The following PWWP2B variants were observed in gnomAD, a reference collection of about 807,000 sequenced individuals.
The protein encoded by PWWP2B is PWWP domain-containing protein 2B.
Under a neutral mutation model 15.5 loss-of-function variants are expected in PWWP2B, and 9 were observed. The ratio of observed to expected loss-of-function variants is 0.58; its 90% CI spans 0.35 to 1.02. The LOEUF (loss-of-function observed/expected upper bound fraction) is 1.02, where lower values mean the gene tolerates loss of function less well. Ranked by LOEUF, PWWP2B falls within the 50% of genes least tolerant of loss-of-function variation. The pLI is 0.02. For missense variants in PWWP2B, 864 were observed against 865.3 expected (o/e 1.00, Z 0.02); for synonymous variants, 474 against 403.6 (o/e 1.17, Z -2.09).
At chr10:132,408,949 C>T (rs1023890423) in intron 2 of PWWP2B, among the ~76,000 whole-genome samples, 2 of 152,212 alleles carry the variant, frequency 1.3e-5, no homozygotes, top group South Asian at 2.1e-4. Flanking sequence ...CGCGCCAGGA[C>T]GCATGGCTGT....
At chr10:132,402,201 G>A (rs2069623610) in intron 1 of PWWP2B, among the ~76,000 whole-genome samples, 1 of 152,256 alleles carries the variant, frequency 6.6e-6, no homozygotes, top group South Asian at 2.1e-4. Context: ...GGCAAGGGAT[G>A]GGGCTGGCTC....
intron 2 of PWWP2B, among the ~76,000 whole-genome samples, chr10:132,416,338 G>C (rs1460280124): frequency 2.0e-5 from 3 of 152,178 alleles, no homozygotes; most frequent in Non-Finnish European, 4.4e-5. Flanking sequence ...CCGGCTGGTG[G>C]AGAACTGGGG....
chr10:132,408,295 G>A (rs374396675), intron 2 of PWWP2B, among the ~76,000 whole-genome samples: 2 of 152,244 alleles, frequency 1.3e-5, no homozygotes, highest in Admixed American at 6.5e-5. Context: ...GGGATCTCCC[G>A]CCCTCTGTGG....
chr10:132,400,278 T>A (rs955690816), intron 1 of PWWP2B, among the ~76,000 whole-genome samples: 1 of 152,020 alleles, frequency 6.6e-6, no homozygotes, highest in African/African-American at 2.4e-5. Context: ...TGGCTGGTCT[T>A]CGGAGCGTCT....
chr10:132,415,065 GA>G (rs1436818834), intron 2 of PWWP2B, among the ~76,000 whole-genome samples: 1 of 151,146 alleles, frequency 6.6e-6, no homozygotes, highest in Non-Finnish European at 1.5e-5. Flanking sequence ...GTAATGACAA[GA>G]ATTCACCTTC....
chr10:132,400,931 C>T (rs1056897959), intron 1 of PWWP2B, among the ~76,000 whole-genome samples: 1 of 152,222 alleles, frequency 6.6e-6, no homozygotes, highest in Non-Finnish European at 1.5e-5. Context: ...ATCTCATGGC[C>T]CTGGTCTGTA....
chr10:132,404,673 A>T lies in PWWP2B; in HGVS notation c.173A>T (p.Asp58Val). 1 of 1,612,444 alleles carries T rather than the reference A, an allele frequency of 6.2e-7. No homozygotes were observed. Among genetic ancestry groups the T allele is most frequent in the South Asian group, 1.1e-5 (1 of 91,056 alleles). Residue 58 changes from aspartate to valine, a missense_variant, in exon 2 of 3, where the codon GAT becomes GTT. This residue lies in a region of PWWP2B where 736 missense variants were observed against 687.7 expected (regional missense o/e 1.07). Transcript: ENST00000305233. ...CCGTTGGCTCCGCTGCCCCAGGTCG[A>T]TGAGTCCCCTGTCAACGACAGCCAT... ...LPPLAPLPQV[D>V]ESPVNDSHGR...
rs946098714 is a variant in PWWP2B at position 132,417,395 on chromosome 10, G to C, written c.*351G>C. On this transcript the variant is annotated 3_prime_UTR_variant, in exon 3 of 3. Coordinates refer to ENST00000305233, the MANE Select transcript of PWWP2B (RefSeq NM_138499.4). ...GCCTGCCGCCCCGGCCTCACCTGCT[G>C]CCCGCATGCTGGGGTCCCATGGAGG... The C allele has an allele frequency of 2.3e-6, 1 of 430,582 alleles. No individual in the cohort carries two copies. The highest frequency in any genetic ancestry group is 4.2e-6 in the Non-Finnish European group (1 of 238,602). 26.7% of individuals were successfully genotyped at this position (430,582 alleles called of 1,614,324 possible).
chr10:132,404,868 G>A lies in PWWP2B; in HGVS notation c.368G>A (p.Gly123Asp). 1 of 1,591,460 alleles carries A rather than the reference G, an allele frequency of 6.3e-7. No individual in the cohort carries two copies. Among genetic ancestry groups the A allele is most frequent in the Non-Finnish European group, 8.5e-7 (1 of 1,175,940 alleles). The change falls in exon 2 of 3, where the codon GGC (glycine) becomes GAC (aspartate). Residue 123 changes from glycine (G) to aspartate (D), a missense_variant. Around this residue, in one of 2 missense-constraint regions of PWWP2B, gnomAD observed 736 missense variants for 687.7 expected, o/e 1.07. Transcript: ENST00000305233. ...CCCCCGTACCCTCCCTACTTCGAAG[G>A]CGCCCCCTTCCCTCACCCGCTGTGG... ...SLPPYPPYFE[G>D]APFPHPLWLR...
intron 2 of PWWP2B, among the ~76,000 whole-genome samples, chr10:132,414,726 T>A (rs2069821522): frequency 6.6e-6 from 1 of 152,210 alleles, no homozygotes. Context: ...TGTGACCGGC[T>A]CTAATCCTCG....
chr10:132,416,865 C>A (rs746278587), intron 2 of PWWP2B, among the ~76,000 whole-genome samples, 196 bp from the exon 3 acceptor site: 1 of 152,062 alleles, frequency 6.6e-6, no homozygotes, highest in Non-Finnish European at 1.5e-5. Flanking sequence ...GCATGGAAGA[C>A]CCTGCACTCT....
intron 2 of PWWP2B, among the ~76,000 whole-genome samples, chr10:132,409,929 G>T (rs1253151317): frequency 6.6e-6 from 1 of 152,040 alleles, no homozygotes; most frequent in Non-Finnish European, 1.5e-5. Context: ...AGTGTTCTAG[G>T]CAGGAGGAGG....
At chr10:132,402,769 G>A (rs1459890574) in intron 1 of PWWP2B, among the ~76,000 whole-genome samples, 2 of 152,254 alleles carry the variant, frequency 1.3e-5, no homozygotes, top group Non-Finnish European at 2.9e-5. Context: ...CTTAACTCTG[G>A]CAAACCTTTT....
chr10:132,411,825 A>G (rs890084915), intron 2 of PWWP2B, among the ~76,000 whole-genome samples: 13 of 152,214 alleles, frequency 8.5e-5, no homozygotes, highest in African/African-American at 3.1e-4. Flanking sequence ...CTTTTAGAAC[A>G]GCGTCCTTGA....
Position 132,404,561 on chromosome 10 carries a change from G to A in PWWP2B, c.126-65G>A. 2.8e-6 allele frequency: 4 copies of A among 1,412,220 alleles called. No homozygotes were observed. The South Asian group carries it at 3.6e-5, about 13-fold the overall frequency. 87.5% of individuals were successfully genotyped at this position (1,412,220 alleles called of 1,614,324 possible). On this transcript the variant is annotated intron_variant, in intron 1 of 2. Coordinates refer to ENST00000305233, the MANE Select transcript of PWWP2B (RefSeq NM_138499.4). Reference sequence around the variant, plus strand: ...TGGGTCGGGGGCCTTGGCTCTGGGGGCTGGTGCGGGTGGCAGATGTGCCAG... The same window carrying A: ...TGGGTCGGGGGCCTTGGCTCTGGGGACTGGTGCGGGTGGCAGATGTGCCAG...
Position 132,404,831 on chromosome 10 carries a change from G to T in PWWP2B, c.331G>T (p.Ala111Ser). 2.4e-6 allele frequency: 2 copies of T among 817,986 alleles called. No homozygotes were observed. Among genetic ancestry groups the T allele is most frequent in the Non-Finnish European group, 3.5e-6 (2 of 563,974 alleles). 50.7% of individuals were successfully genotyped at this position (817,986 alleles called of 1,614,324 possible). A position where few individuals can be genotyped will look rare whatever the true frequency, so the allele number is the denominator to read the frequency against. ...PPPPLVPPLP[A>S]GSLPPYPPYF... is the part of the protein sequence containing the mutation. Reference sequence around the variant, plus strand: ...CCCGCCCCTCGTGCCGCCGCTGCCCGCCGGAAGCCTGCCCCCGTACCCTCC... The same window carrying T: ...CCCGCCCCTCGTGCCGCCGCTGCCCTCCGGAAGCCTGCCCCCGTACCCTCC... Residue 111 changes from alanine (A) to serine (S), a missense_variant, in exon 2 of 3, where the codon GCC (alanine) becomes TCC (serine). Coordinates refer to ENST00000305233, the MANE Select transcript of PWWP2B (RefSeq NM_138499.4).
chr10:132,400,129 T>C (rs759135019), intron 1 of PWWP2B, among the ~76,000 whole-genome samples: 32 of 152,256 alleles, frequency 2.1e-4, no homozygotes, highest in Middle Eastern at 3.4e-3. Flanking sequence ...GCTCTTGGGA[T>C]GATTCACTCA....
At chr10:132,415,423 AC>A (rs1258842321) in intron 2 of PWWP2B, among the ~76,000 whole-genome samples, 1 of 149,120 alleles carries the variant, frequency 6.7e-6, no homozygotes, top group East Asian at 2.0e-4. Flanking sequence ...TCATTTACAC[AC>A]GCACACATGC....
chr10:132,398,918 C>T (rs1449284395), intron 1 of PWWP2B, among the ~76,000 whole-genome samples: 3 of 152,000 alleles, frequency 2.0e-5, no homozygotes, highest in African/African-American at 7.2e-5. Flanking sequence ...AGCAGGCTCC[C>T]CGACCCCCAG....
Sources: gnomAD v4.1 joint callset for allele counts (sites outside exome capture counted in the v4.1 genomes callset) on GRCh38, gnomAD v4.1.1 for gene constraint, gnomAD v4.1.1 regional missense constraint, MANE v1.5 for transcripts, NCBI Gene and HGNC (gene_info 2026-07-23, HGNC 2026-07-21) for gene names.